Variants in BSN observed in about 807,000 individuals in gnomAD.
BSN encodes the protein bassoon presynaptic cytomatrix protein, also known as protein bassoon.
In BSN, 57 loss-of-function variants were observed where a neutral mutation model predicts 264.8. That is an observed-to-expected ratio of 0.22 (90% CI 0.17 to 0.27). BSN has a LOEUF of 0.27. BSN is among the 10% of genes least tolerant of loss of function. BSN has a pLI of 1.00. For synonymous variants in BSN, 2,059 were observed against 2,137.3 expected (o/e 0.96, Z 1.01); for missense variants, 4,615 against 5,232.5 (o/e 0.88, Z 3.64).
chr3:49,622,003 G>T (rs2052310742), intron 1 of BSN, among the ~76,000 whole-genome samples: 1 of 152,130 alleles, frequency 6.6e-6, no homozygotes, highest in Non-Finnish European at 1.5e-5. Context: ...TGTTGTTTAG[G>T]ATGGGAGAAG....
In BSN at chr3:49,669,086, T is replaced by G. The variant is rs1251559487; in HGVS notation, c.*1601T>G. 2.6e-5 allele frequency: 4 copies of G among 151,048 alleles called. No homozygotes were observed. In the East Asian group the frequency reaches 6.0e-4, roughly 23 times the overall value. The allele number at this position is 151,048 out of a possible 1,614,324, so 9.4% of individuals were successfully genotyped here. A position where few individuals can be genotyped will look rare whatever the true frequency, so the allele number is the denominator to read the frequency against. ...TCACCGCCTGTCCTGCAGTGGAGCATGCACAGCTCGCAGCCTCTTTGCACG... is the reference window on the plus strand; with the variant it reads ...TCACCGCCTGTCCTGCAGTGGAGCAGGCACAGCTCGCAGCCTCTTTGCACG... On this transcript the variant is annotated 3_prime_UTR_variant, in exon 12 of 12. Transcript: ENST00000296452.
At chr3:49,604,846 C>T (rs1405883814) in intron 1 of BSN, among the ~76,000 whole-genome samples, 1 of 151,890 alleles carries the variant, frequency 6.6e-6, no homozygotes, top group Non-Finnish European at 1.5e-5. Flanking sequence ...CCTTCAGCCA[C>T]ACTGGCGTGC....
chr3:49,557,001 C>G (rs1184924579), intron 1 of BSN, among the ~76,000 whole-genome samples: 3 of 152,146 alleles, frequency 2.0e-5, no homozygotes, highest in African/African-American at 7.2e-5. Flanking sequence ...TCATCCCAGG[C>G]TGAATTAGTC....
intron 1 of BSN, among the ~76,000 whole-genome samples, chr3:49,610,056 G>C (rs1426355758): frequency 6.6e-6 from 1 of 152,164 alleles, no homozygotes; most frequent in Non-Finnish European, 1.5e-5. Flanking sequence ...GTAGAGGAAA[G>C]CCAGATGGCC....
intron 1 of BSN, among the ~76,000 whole-genome samples, chr3:49,578,410 GTT>G (rs35070088): frequency 9.4e-5 from 14 of 149,394 alleles, no homozygotes; most frequent in Middle Eastern, 3.5e-3. Flanking sequence ...CAAAGCTACA[GTT>G]TTTTTTTTTT....
At chr3:49,648,723 T>TA (rs2052517859) in intron 3 of BSN, among the ~76,000 whole-genome samples, 1 of 152,242 alleles carries the variant, frequency 6.6e-6, no homozygotes, top group South Asian at 2.1e-4. Context: ...GGCCAGCACT[T>TA]ACTGCCTTGT....
chr3:49,628,200 A>G lies in BSN; in HGVS notation c.633+2817A>G, dbSNP rs547610064. Among the ~76,000 whole-genome samples, 8 of 152,326 alleles carry G rather than the reference A, an allele frequency of 5.3e-5. No individual in the cohort carries two copies. The East Asian group carries it at 1.2e-3, about 22-fold the overall frequency. ...TGGAACTTTGTTCATGTGTGTCACTAATAGAGACTTACTGGCTGGTTTGGA... is the reference window on the plus strand; with the variant it reads ...TGGAACTTTGTTCATGTGTGTCACTGATAGAGACTTACTGGCTGGTTTGGA... On this transcript the variant is annotated intron_variant, in intron 2 of 11. Coordinates refer to ENST00000296452, the MANE Select transcript of BSN (RefSeq NM_003458.4).
At chr3:49,639,215 T>G (rs1019623860) in intron 2 of BSN, among the ~76,000 whole-genome samples, 26 of 150,914 alleles carry the variant, frequency 1.7e-4, no homozygotes, top group African/African-American at 6.3e-4. Context: ...TTTTTTTTTT[T>G]TGAGACAGAG....
chr3:49,660,930 G>C lies in BSN; in HGVS notation c.9085G>C (p.Ala3029Pro). The change falls in exon 6 of 12, where the codon GCT becomes CCT. Residue 3029 changes from alanine to proline, a missense_variant. This residue lies in a region of BSN where 3,415 missense variants were observed against 3,866.4 expected (regional missense o/e 0.88). Transcript: ENST00000296452. This position sits in a 1 kb window ranked among gnomAD's most constrained non-coding sequence, Gnocchi z 7.1. ...QLRLQGCTTP[A>P]GQFVDFPATA... ...GCGGCTCCAGGGCTGCACCACTCCC[G>C]CTGGCCAGTTTGTGGACTTCCCTGC... is the stretch of plus-strand genomic sequence containing the variant. The C allele has an allele frequency of 1.2e-5, 19 of 1,611,938 alleles. No individual in the cohort carries two copies. The highest frequency in any genetic ancestry group is 1.5e-5 in the Non-Finnish European group (18 of 1,179,988).
intron 1 of BSN, among the ~76,000 whole-genome samples, chr3:49,564,499 C>T (rs1222620342): frequency 6.6e-6 from 1 of 152,222 alleles, no homozygotes; most frequent in Non-Finnish European, 1.5e-5. Flanking sequence ...AGGCAATGTA[C>T]TTGTTTCAGG....
At chr3:49,631,944 G>A (rs528882966) in intron 2 of BSN, among the ~76,000 whole-genome samples, 1 of 152,304 alleles carries the variant, frequency 6.6e-6, no homozygotes, top group South Asian at 2.1e-4. Context: ...ACAAAGTTAC[G>A]GTAATCAAAA....
intron 1 of BSN, among the ~76,000 whole-genome samples, chr3:49,608,232 C>A (rs965796068): frequency 2.0e-5 from 3 of 152,142 alleles, no homozygotes; most frequent in East Asian, 1.9e-4. Flanking sequence ...CTGAGTTAGA[C>A]CCTTCAGAAG....
At position 49,663,768 on chromosome 3, in the gene BSN, T is replaced by A; in HGVS notation, c.11509-19T>A. 1.9e-6 allele frequency: 3 copies of A among 1,613,868 alleles called. No homozygotes were observed. Among genetic ancestry groups the A allele is most frequent in the Non-Finnish European group, 2.5e-6 (3 of 1,179,828 alleles). The stretch of plus-strand genomic sequence containing the variant: ...GGCTGGGCATGGGCAGAATCTTAGC[T>A]ATAGGTTCTGTGTTGCAGCCACGGG... On this transcript the variant is annotated intron_variant, in intron 7 of 11. Transcript: ENST00000296452.
chr3:49,578,725 C>A (rs1327645440), intron 1 of BSN, among the ~76,000 whole-genome samples: 4 of 151,980 alleles, frequency 2.6e-5, no homozygotes, highest in Non-Finnish European at 5.9e-5. Context: ...AATTTGAGAA[C>A]ATTTTCATCA....
chr3:49,619,690 G>T (rs1431515542), intron 1 of BSN, among the ~76,000 whole-genome samples: 1 of 152,192 alleles, frequency 6.6e-6, no homozygotes, highest in Non-Finnish European at 1.5e-5. Context: ...AGCCTTCTAT[G>T]GTACGGCTGG....
At chr3:49,607,469 T>C (rs544743825) in intron 1 of BSN, among the ~76,000 whole-genome samples, 1 of 152,302 alleles carries the variant, frequency 6.6e-6, no homozygotes, top group East Asian at 1.9e-4. Flanking sequence ...TATTACTCAT[T>C]AGTCAGTGGC....
At chr3:49,606,195 T>TA (rs1412350462) in intron 1 of BSN, among the ~76,000 whole-genome samples, 3 of 43,430 alleles carry the variant, frequency 6.9e-5, no homozygotes, top group Admixed American at 4.0e-4. Flanking sequence ...ATATTATATA[T>TA]ACATATATTA....
At chr3:49,644,160 C>T (rs1179956809) in intron 3 of BSN, among the ~76,000 whole-genome samples, 1 of 152,194 alleles carries the variant, frequency 6.6e-6, no homozygotes, top group African/African-American at 2.4e-5. Flanking sequence ...AATGTGTTTC[C>T]CAGCTGTGTC....
chr3:49,613,303 C>CGAGCGAGAGAGAGAGAGAGAGAGAGAGA (rs1553662875), intron 1 of BSN, among the ~76,000 whole-genome samples: 2 of 47,332 alleles, frequency 4.2e-5, no homozygotes, highest in African/African-American at 1.4e-4. Flanking sequence ...ACACACAGAG[C>CGAGCGAGAGAGAGAGAGAGAGAGAGAGA]GAGAGAGAGA....
Sources: allele counts gnomAD v4.1 joint callset (sites outside exome capture counted in the v4.1 genomes callset), GRCh38; gene constraint gnomAD v4.1.1; regional missense constraint gnomAD v4.1.1; non-coding constraint Gnocchi (gnomAD v3.1); transcripts MANE v1.5; gene names NCBI Gene and HGNC (gene_info 2026-07-23, HGNC 2026-07-21).